The following TPRN variants were observed in gnomAD, a reference collection of about 807,000 sequenced individuals.
TPRN encodes the protein taperin, also known as chromosome 9 open reading frame 75.
TPRN carries 32 observed loss-of-function variants against 42.6 expected under a neutral mutation model. That is an observed-to-expected ratio of 0.75 (90% CI 0.57 to 1.01). The LOEUF (loss-of-function observed/expected upper bound fraction) is 1.01, where lower values mean the gene tolerates loss of function less well. Ranked by LOEUF, TPRN falls within the 50% of genes least tolerant of loss-of-function variation. The pLI is 0.00. For missense variants in TPRN, 1,095 were observed against 957.5 expected, an observed-to-expected ratio of 1.14 and a Z score of -1.90; for synonymous variants, 541 against 445.6, an observed-to-expected ratio of 1.21 and a Z score of -2.70.
At position 137,199,105 on chromosome 9, in the gene TPRN, C is replaced by A. The variant is rs760126448; in HGVS notation, c.1607G>T (p.Cys536Phe). The A allele has an allele frequency of 1.2e-6, 2 of 1,613,270 alleles. No homozygotes were observed. The highest frequency in any genetic ancestry group is 3.3e-5 in the Admixed American group (2 of 60,030). ...PREAEEEEAS[C>F]LLGPTLKKRY... Reference sequence around the variant, plus strand: ...CTTCTTCAACGTGGGCCCCAGGAGGCAACTAGCCTCCTCCTCCTCGGCCTC... The same window carrying A: ...CTTCTTCAACGTGGGCCCCAGGAGGAAACTAGCCTCCTCCTCCTCGGCCTC... The change falls in exon 1 of 4, where the codon TGC becomes TTC. Residue 536 changes from cysteine (C) to phenylalanine (F), a missense_variant. By Grantham distance (205) the Cys-to-Phe change is radical. Coordinates refer to ENST00000409012, the MANE Select transcript of TPRN (RefSeq NM_001128228.3).
intron 1 of TPRN, among the ~76,000 whole-genome samples, chr9:137,197,885 G>A (rs770368832): frequency 2.6e-5 from 4 of 152,322 alleles, no homozygotes; most frequent in South Asian, 2.1e-4. Flanking sequence ...TGCCTGGGCC[G>A]GCAGATAGAG....
rs1834651461 is a variant in TPRN at position 137,193,115 on chromosome 9, C to T, written c.1726-424G>A. 1.4e-5 allele frequency: 3 copies of T among 221,600 alleles called. No homozygotes were observed. The South Asian group carries it at 2.1e-4, about 15-fold the overall frequency. The allele number at this position is 221,600 out of a possible 1,614,324, so 13.7% of individuals were successfully genotyped here. Reference sequence around the variant, plus strand: ...GAACAGGGTGGAAAAGAGGCTGTCCCCTCAGGGGCCTTGCACTCTAGGCTC... The same window carrying T: ...GAACAGGGTGGAAAAGAGGCTGTCCTCTCAGGGGCCTTGCACTCTAGGCTC... On this transcript the variant is annotated intron_variant, in intron 1 of 3. Transcript: ENST00000409012.
Position 137,191,789 on chromosome 9 carries a change from A to G in TPRN, c.*323T>C. 6.7e-6 allele frequency: 3 copies of G among 449,312 alleles called. No homozygotes were observed. Among genetic ancestry groups the G allele is most frequent in the Admixed American group, 6.9e-5 (2 of 29,086 alleles). 27.8% of individuals were successfully genotyped at this position (449,312 alleles called of 1,614,324 possible). Reference sequence around the variant, plus strand: ...CCACTGTGAGGCAGGCTGAGGAGACAGGACAGGGAATGGCCAGGTGCAGAA... The same window carrying G: ...CCACTGTGAGGCAGGCTGAGGAGACGGGACAGGGAATGGCCAGGTGCAGAA... On this transcript the variant is annotated 3_prime_UTR_variant, in exon 4 of 4. Coordinates refer to ENST00000409012, the MANE Select transcript of TPRN (RefSeq NM_001128228.3).
chr9:137,192,640 A>G lies in TPRN; in HGVS notation c.1777T>C (p.Ser593Pro), dbSNP rs1372228112. Residue 593 changes from serine to proline, a missense_variant, in exon 2 of 4, where the codon TCC becomes CCC. Coordinates refer to ENST00000409012, the MANE Select transcript of TPRN (RefSeq NM_001128228.3). ...TCCTCCTGCTCTAGGGAGCTCTCGGAAGGGTACTCAAATGTGGTCTGCAGG... is the reference window on the plus strand; with the variant it reads ...TCCTCCTGCTCTAGGGAGCTCTCGGGAGGGTACTCAAATGTGGTCTGCAGG... ...KSLQTTFEYP[S>P]ESSLEQEEEV... 6.2e-7 allele frequency: 1 copy of G among 1,613,770 alleles called. No individual in the cohort carries two copies. Among genetic ancestry groups the G allele is most frequent in the South Asian group, 1.1e-5 (1 of 91,074 alleles).
At position 137,199,494 on chromosome 9, in the gene TPRN, G is replaced by T; in HGVS notation, c.1218C>A (p.Leu406=). The change falls in exon 1 of 4, where the codon CTC becomes CTA. Residue 406 remains leucine (L), a synonymous_variant. Coordinates refer to ENST00000409012, the MANE Select transcript of TPRN (RefSeq NM_001128228.3). ...TCTGCCACCTAATAGCCCGGTCAGC[G>T]AGGGCGGTGGCTGTCCTGGGACAGG... ...EGACPRTATA[L]ADRAIRWQRP... 2.5e-6 allele frequency: 4 copies of T among 1,585,320 alleles called. No individual in the cohort carries two copies. Among genetic ancestry groups the T allele is most frequent in the Non-Finnish European group, 3.4e-6 (4 of 1,166,560 alleles).
chr9:137,200,106 G>C lies in TPRN; in HGVS notation c.606C>G (p.Ser202Arg). 7.7e-7 allele frequency: 1 copy of C among 1,301,520 alleles called. No homozygotes were observed. The highest frequency in any genetic ancestry group is 3.0e-5 in the East Asian group (1 of 33,354). 80.6% of individuals were successfully genotyped at this position (1,301,520 alleles called of 1,614,324 possible). Residue 202 changes from serine (S) to arginine (R), a missense_variant, in exon 1 of 4, where the codon AGC becomes AGG. Coordinates refer to ENST00000409012, the MANE Select transcript of TPRN (RefSeq NM_001128228.3). This position sits in a 1 kb window ranked among gnomAD's most constrained non-coding sequence, Gnocchi z 4.3. ...CCCGGGGGTGGACGGTGAAGGAGTTGCTGCCGGTCTTCTGGAGGAAGTCGC... is the reference window on the plus strand; with the variant it reads ...CCCGGGGGTGGACGGTGAAGGAGTTCCTGCCGGTCTTCTGGAGGAAGTCGC... ...RRSDFLQKTGSNSFTVHPRGL... is the reference protein window; with the variant it reads ...RRSDFLQKTGRNSFTVHPRGL...
chr9:137,199,740 G>T lies in TPRN; in HGVS notation c.972C>A (p.Arg324=). 1 of 1,612,046 alleles carries T rather than the reference G, an allele frequency of 6.2e-7. No individual in the cohort carries two copies. The highest frequency in any genetic ancestry group is 8.5e-7 in the Non-Finnish European group (1 of 1,179,674). ...CCATGAAAGAATTTCGAGAGTTTGC[G>T]CGGAGGCTGGCCAGCGCCCGGGCCT... The part of the protein sequence containing the change: ...DLQARALASL[R]ANSRNSFMVI... The change falls in exon 1 of 4, where the codon CGC becomes CGA. Residue 324 remains arginine, a synonymous_variant. Coordinates refer to ENST00000409012, the MANE Select transcript of TPRN (RefSeq NM_001128228.3).
At chr9:137,198,012 G>C (rs1564385103) in intron 1 of TPRN, among the ~76,000 whole-genome samples, 1 of 152,204 alleles carries the variant, frequency 6.6e-6, no homozygotes, top group East Asian at 1.9e-4. Flanking sequence ...CCTATCTGCT[G>C]AGGGAGCCTG....
Position 137,200,651 on chromosome 9 carries a change from C to T in TPRN, c.61G>A (p.Glu21Lys). Reference sequence around the variant, plus strand: ...TTGGCCCGCTTCCGCTCCAGGATCTCACGCTTCCAAGCGGGCACCGCAGCG... The same window carrying T: ...TTGGCCCGCTTCCGCTCCAGGATCTTACGCTTCCAAGCGGGCACCGCAGCG... ...PRAAVPAWKR[E>K]ILERKRAKLA... Residue 21 changes from glutamate (E) to lysine (K), a missense_variant, in exon 1 of 4, where the codon GAG becomes AAG. Coordinates refer to ENST00000409012, the MANE Select transcript of TPRN (RefSeq NM_001128228.3). The surrounding 1 kb of genome is among the most constrained non-coding windows in gnomAD (Gnocchi z 4.3). 1 of 1,241,638 alleles carries T rather than the reference C, an allele frequency of 8.1e-7. No individual in the cohort carries two copies. The allele number at this position is 1,241,638 out of a possible 1,614,324, so 76.9% of individuals were successfully genotyped here. A position where few individuals can be genotyped will look rare whatever the true frequency, so the allele number is the denominator to read the frequency against.
chr9:137,200,065 G>A lies in TPRN; in HGVS notation c.647C>T (p.Ala216Val). The change falls in exon 1 of 4, where the codon GCG becomes GTG. Residue 216 changes from alanine (A) to valine (V), a missense_variant. Transcript: ENST00000409012. This position sits in a 1 kb window ranked among gnomAD's most constrained non-coding sequence, Gnocchi z 4.3. ...TVHPRGLHRG[A>V]GARLLSNGHS... The stretch of plus-strand genomic sequence containing the variant: ...CCCGTTGGAGAGCAGGCGGGCGCCC[G>A]CGCCGCGGTGCAGACCCCGGGGGTG... The A allele has an allele frequency of 1.4e-6, 2 of 1,430,550 alleles. No homozygotes were observed. The highest frequency in any genetic ancestry group is 1.8e-6 in the Non-Finnish European group (2 of 1,099,368). The allele number at this position is 1,430,550 out of a possible 1,614,324, so 88.6% of individuals were successfully genotyped here.
Position 137,199,078 on chromosome 9 carries a change from C to T in TPRN, c.1634G>A (p.Arg545His), listed in dbSNP as rs150227451. The T allele has an allele frequency of 1.3e-5, 21 of 1,613,134 alleles. No individual in the cohort carries two copies. The African/African-American group carries it at 2.3e-4, about 17-fold the overall frequency. ...SCLLGPTLKK[R>H]YPTVHEIEVI... ...CTCGATCTCATGCACGGTGGGGTAGCGCTTCTTCAACGTGGGCCCCAGGAG... is the reference window on the plus strand; with the variant it reads ...CTCGATCTCATGCACGGTGGGGTAGTGCTTCTTCAACGTGGGCCCCAGGAG... Residue 545 changes from arginine to histidine, a missense_variant, in exon 1 of 4, where the codon CGC becomes CAC. Coordinates refer to ENST00000409012, the MANE Select transcript of TPRN (RefSeq NM_001128228.3).
rs1224070852 is a variant in TPRN, at chr9:137,200,376, G to A, written c.336C>T (p.Ala112=). The A allele has an allele frequency of 9.3e-7, 1 of 1,079,306 alleles. No individual in the cohort carries two copies. Among genetic ancestry groups the A allele is most frequent in the Non-Finnish European group, 1.1e-6 (1 of 894,292 alleles). The allele number at this position is 1,079,306 out of a possible 1,614,324, so 66.9% of individuals were successfully genotyped here. ...CGGCGCGGATCTGCGCGGCCCCCGG[G>A]GCGGGCGGCGCGGGCGGGAAGCCGG... ...TVPGFPPAPP[A]PGAAQIRAAE... Residue 112 remains alanine, a synonymous_variant, in exon 1 of 4, where the codon GCC becomes GCT. Coordinates refer to ENST00000409012, the MANE Select transcript of TPRN (RefSeq NM_001128228.3). This position sits in a 1 kb window ranked among gnomAD's most constrained non-coding sequence, Gnocchi z 4.3.
Position 137,192,461 on chromosome 9 carries a change from C to T in TPRN, c.1956G>A (p.Glu652=). The T allele has an allele frequency of 1.2e-6, 2 of 1,606,406 alleles. No individual in the cohort carries two copies. The highest frequency in any genetic ancestry group is 1.7e-6 in the Non-Finnish European group (2 of 1,176,926). The change falls in exon 2 of 4, where the codon GAG becomes GAA. Residue 652 remains glutamate, a synonymous_variant. Transcript: ENST00000409012. ...SVRPESSRLP[E]GSSGLSSYTP... The stretch of plus-strand genomic sequence containing the variant: ...CAGGTGGGCACTCACCTGAGCTACC[C>T]TCTGGCAGCCGAGAGCTCTCGGGTC...
rs1181988810 is a variant in TPRN at position 137,192,129 on chromosome 9, G to A, written c.2119C>T (p.Pro707Ser). 1 of 1,613,324 alleles carries A rather than the reference G, an allele frequency of 6.2e-7. No individual in the cohort carries two copies. The highest frequency in any genetic ancestry group is 1.3e-5 in the African/African-American group (1 of 74,936). ...QNDLSDFRSEPALYF is the reference protein window; with the variant it reads ...QNDLSDFRSESALYF ...TGCTGGGCTCAGAAATACAGGGCTGGCTCGCTGCGGAAGTCCGAGAGGTCA... is the reference window on the plus strand; with the variant it reads ...TGCTGGGCTCAGAAATACAGGGCTGACTCGCTGCGGAAGTCCGAGAGGTCA... Residue 707 changes from proline to serine, a missense_variant, in exon 4 of 4, where the codon CCA (proline) becomes TCA (serine). By Grantham distance (74) the Pro-to-Ser change is moderately conservative. Transcript: ENST00000409012.
At position 137,199,996 on chromosome 9, in the gene TPRN, G is replaced by A. The variant is rs1834777261; in HGVS notation, c.716C>T (p.Ala239Val). 1 of 1,444,868 alleles carries A rather than the reference G, an allele frequency of 6.9e-7. No individual in the cohort carries two copies. The highest frequency in any genetic ancestry group is 9.1e-7 in the Non-Finnish European group (1 of 1,104,192). 89.5% of individuals were successfully genotyped at this position (1,444,868 alleles called of 1,614,324 possible). A position where few individuals can be genotyped will look rare whatever the true frequency, so the allele number is the denominator to read the frequency against. The change falls in exon 1 of 4, where the codon GCG becomes GTG. Residue 239 changes from alanine (A) to valine (V), a missense_variant. Ala to Val is a moderately conservative substitution (Grantham distance 64). Coordinates refer to ENST00000409012, the MANE Select transcript of TPRN (RefSeq NM_001128228.3). ...EPRAGPANRLAGSPPGSGQWK... is the reference protein window; with the variant it reads ...EPRAGPANRLVGSPPGSGQWK... ...CTGTCCCGACCCAGGCGGGGAGCCCGCGAGGCGGTTGGCAGGGCCGGCCCG... is the reference window on the plus strand; with the variant it reads ...CTGTCCCGACCCAGGCGGGGAGCCCACGAGGCGGTTGGCAGGGCCGGCCCG...
chr9:137,195,972 C>T (rs1416508130), intron 1 of TPRN, among the ~76,000 whole-genome samples: 1 of 152,180 alleles, frequency 6.6e-6, no homozygotes, highest in Non-Finnish European at 1.5e-5. Context: ...GGGCCTGTGC[C>T]TGCCAGGCAG....
In TPRN at chr9:137,200,676, G is replaced by C. The variant is rs1834796608; in HGVS notation, c.36C>G (p.Arg12=). The change falls in exon 1 of 4, where the codon CGC becomes CGG. Residue 12 remains arginine (R), a synonymous_variant. Coordinates refer to ENST00000409012, the MANE Select transcript of TPRN (RefSeq NM_001128228.3). This position sits in a 1 kb window ranked among gnomAD's most constrained non-coding sequence, Gnocchi z 4.3. ...CACGCTTCCAAGCGGGCACCGCAGC[G>C]CGCGGCCCCGAGCCCGGCCGCCCCA... The part of the protein sequence containing the change: ...AALGRPGSGP[R]AAVPAWKREI... 1.2e-5 allele frequency: 15 copies of C among 1,228,212 alleles called. No homozygotes were observed. Among genetic ancestry groups the C allele is most frequent in the Non-Finnish European group, 1.5e-5 (15 of 973,886 alleles). The allele number at this position is 1,228,212 out of a possible 1,614,324, so 76.1% of individuals were successfully genotyped here.
In TPRN at chr9:137,192,315, C is replaced by G. The variant is rs574932562; in HGVS notation, c.2017G>C (p.Glu673Gln). 2 of 1,613,038 alleles carry G rather than the reference C, an allele frequency of 1.2e-6. No homozygotes were observed. The highest frequency in any genetic ancestry group is 4.5e-5 in the East Asian group (2 of 44,880). The change falls in exon 3 of 4, where the codon GAG (glutamate) becomes CAG (glutamine). Residue 673 changes from glutamate (E) to glutamine (Q), a missense_variant. Transcript: ENST00000409012. The stretch of plus-strand genomic sequence containing the variant: ...CTCGGGGCCTGCTCCAGCGCCTGCT[C>G]CTGCCACTTGCTGAAGGCCACAGAG... ...KHSVAFSKWQ[E>Q]QALEQAPREA...
rs992879712 is a variant in TPRN at position 137,199,823 on chromosome 9, A to G, written c.889T>C (p.Phe297Leu). The G allele has an allele frequency of 3.2e-6, 5 of 1,584,938 alleles. No homozygotes were observed. Among genetic ancestry groups the G allele is most frequent in the Non-Finnish European group, 4.3e-6 (5 of 1,166,386 alleles). Residue 297 changes from phenylalanine (F) to leucine (L), a missense_variant, in exon 1 of 4, where the codon TTC becomes CTC. Physicochemically the swap from Phe to Leu is conservative, Grantham distance 22. Coordinates refer to ENST00000409012, the MANE Select transcript of TPRN (RefSeq NM_001128228.3). ...VSAATSTNDS[F>L]EIRPAPKPVM... ...GGCTTGGGGGCCGGCCGTATCTCGA[A>G]GGAGTCGTTGGTGCTGGTGGCTGCG...
Sources: gnomAD v4.1 joint callset for allele counts (sites outside exome capture counted in the v4.1 genomes callset) on GRCh38, gnomAD v4.1.1 for gene constraint, Gnocchi (gnomAD v3.1) non-coding constraint, MANE v1.5 for transcripts, NCBI Gene and HGNC (gene_info 2026-07-23, HGNC 2026-07-21) for gene names.